The following GSDME variants were observed in gnomAD, a reference collection of about 807,000 sequenced individuals.
GSDME encodes the protein gasdermin-E.
A neutral mutation model predicts 47.5 loss-of-function variants in GSDME; 44 were observed. The ratio of observed to expected loss-of-function variants is 0.93; its 90% CI spans 0.73 to 1.19. The LOEUF is 1.19. Ranked by LOEUF, GSDME falls within the 50% of genes most tolerant of loss-of-function variation. GSDME has a pLI of 0.00. For missense variants in GSDME, 663 were observed against 604.2 expected (o/e 1.10, Z -1.02); for synonymous variants, 258 against 252.8 (o/e 1.02, Z -0.20).
rs1584098698 is a variant in GSDME, at chr7:24,741,989, A to G, written c.404+2573T>C. Among the ~76,000 whole-genome samples the G allele has an allele frequency of 2.6e-5, 4 of 151,986 alleles. No homozygotes were observed. The Middle Eastern group carries it at 0.014, about 517-fold the overall frequency. ...TCTTTGGGTTCTAGTCCTTGTATTT[A>G]TTCTTTATCATGCTTCTGGTGGCAC... On this transcript the variant is annotated intron_variant, in intron 3 of 9. Coordinates refer to ENST00000645220, the MANE Select transcript of GSDME (RefSeq NM_001127453.2).
rs559457207 is a variant in GSDME, at chr7:24,708,346, T to C, written c.863-92A>G. On this transcript the variant is annotated intron_variant, in intron 6 of 9. Coordinates refer to ENST00000645220, the MANE Select transcript of GSDME (RefSeq NM_001127453.2). ...TCCTGCTTTTTATACCTAATCGTCATCAGTTCTTTCATGGATATTCCCAGC... is the reference window on the plus strand; with the variant it reads ...TCCTGCTTTTTATACCTAATCGTCACCAGTTCTTTCATGGATATTCCCAGC... 2.2e-4 allele frequency: 320 copies of C among 1,457,220 alleles called. 2 individuals carry two copies. In the South Asian group the frequency reaches 3.6e-3, roughly 17 times the overall value. The allele number at this position is 1,457,220 out of a possible 1,614,324, so 90.3% of individuals were successfully genotyped here.
At chr7:24,776,959 T>C in the GSDME span, among the ~76,000 whole-genome samples, 2 of 152,186 alleles carry the variant, frequency 1.3e-5, no homozygotes, top group African/African-American at 4.8e-5. Context: ...CAGTTTATTC[T>C]TCCTTTTAGC....
chr7:24,699,446 G>A (rs1250646126), intron 9 of GSDME, among the ~76,000 whole-genome samples, 187 bp from the exon 10 acceptor site: 4 of 151,888 alleles, frequency 2.6e-5, no homozygotes, highest in East Asian at 1.9e-4. Flanking sequence ...AGGTTCAAGC[G>A]ATTCTTTTGC....
At chr7:24,738,572 T>G (rs1354270607) in intron 3 of GSDME, among the ~76,000 whole-genome samples, 2 of 152,142 alleles carry the variant, frequency 1.3e-5, no homozygotes, top group African/African-American at 4.8e-5. Context: ...TTTGTAGAGA[T>G]TCAATGCAAT....
intron 9 of GSDME, 169 bp downstream of exon 9, chr7:24,702,588 CCCA>C: frequency 1.6e-6 from 1 of 615,776 alleles, no homozygotes; most frequent in Non-Finnish European, 3.1e-6. Flanking sequence ...TCTCAGTCTT[CCCA>C]TGGGGTGGGA....
the GSDME span, among the ~76,000 whole-genome samples, chr7:24,786,741 G>A: frequency 1.3e-5 from 2 of 152,176 alleles, no homozygotes; most frequent in African/African-American, 4.8e-5. The surrounding 1 kb of genome is among the most constrained non-coding windows in gnomAD (Gnocchi z 5.5). Flanking sequence ...CAGTCGTGAT[G>A]GCTGCACAGC....
intron 5 of GSDME, among the ~76,000 whole-genome samples, chr7:24,713,659 C>T (rs1789442005): frequency 6.6e-6 from 1 of 152,182 alleles, no homozygotes; most frequent in African/African-American, 2.4e-5. Context: ...GCTGGGCTGG[C>T]CCATAAGGCG....
chr7:24,767,238 C>T, the GSDME span, among the ~76,000 whole-genome samples: 22 of 152,120 alleles, frequency 1.4e-4, no homozygotes, highest in Non-Finnish European at 2.9e-4. The surrounding 1 kb of genome is among the most constrained non-coding windows in gnomAD (Gnocchi z 5.3). Context: ...GCAGAAGTAT[C>T]GCTTGAACCT....
At chr7:24,782,256 C>T in the GSDME span, among the ~76,000 whole-genome samples, 1 of 145,174 alleles carries the variant, frequency 6.9e-6, no homozygotes, top group African/African-American at 2.6e-5. Flanking sequence ...GTGATGTTCC[C>T]CTTCCTATGT....
At chr7:24,702,993 TG>T (rs1788937319) in intron 8 of GSDME, 160 bp from the exon 9 acceptor site, 1 of 619,934 alleles carries the variant, frequency 1.6e-6, no homozygotes, top group Admixed American at 2.1e-5. Context: ...TGGTGCTAAA[TG>T]GGCAGCAAAG....
the GSDME span, among the ~76,000 whole-genome samples, chr7:24,791,026 C>T: frequency 1.3e-5 from 2 of 152,126 alleles, no homozygotes; most frequent in South Asian, 4.1e-4. This position sits in a 1 kb window ranked among gnomAD's most constrained non-coding sequence, Gnocchi z 4.8. Context: ...CCAGGTGTGA[C>T]TGGATCAGGG....
Position 24,699,050 on chromosome 7 carries a change from A to C in GSDME, c.1467T>G (p.Cys489Trp). The C allele has an allele frequency of 6.2e-7, 1 of 1,613,112 alleles. No individual in the cohort carries two copies. Among genetic ancestry groups the C allele is most frequent in the Non-Finnish European group, 8.5e-7 (1 of 1,179,040 alleles). ...LLLCITLNGLCALGREHS is the reference protein window; with the variant it reads ...LLLCITLNGLWALGREHS ...ATCATGAATGTTCTCTGCCTAAAGCACAGAGTCCATTCAGGGTTATACAAA... is the reference window on the plus strand; with the variant it reads ...ATCATGAATGTTCTCTGCCTAAAGCCCAGAGTCCATTCAGGGTTATACAAA... Residue 489 changes from cysteine (C) to tryptophan (W), a missense_variant, in exon 10 of 10, where the codon TGT (cysteine) becomes TGG (tryptophan). Coordinates refer to ENST00000645220, the MANE Select transcript of GSDME (RefSeq NM_001127453.2).
chr7:24,743,723 C>G (rs1354030758), intron 3 of GSDME, among the ~76,000 whole-genome samples: 3 of 152,206 alleles, frequency 2.0e-5, no homozygotes, highest in Non-Finnish European at 4.4e-5. Context: ...GCGTCCTGCC[C>G]AGATGCCCCT....
At chr7:24,792,968 T>G in the GSDME span, among the ~76,000 whole-genome samples, 2 of 152,216 alleles carry the variant, frequency 1.3e-5, no homozygotes, top group Non-Finnish European at 2.9e-5. Flanking sequence ...TTGTTTTAAA[T>G]GTGGGACATC....
Position 24,736,075 on chromosome 7 carries a change from A to G in GSDME, c.404+8487T>C, listed in dbSNP as rs1008247775. Among the ~76,000 whole-genome samples the G allele has an allele frequency of 1.3e-5, 2 of 152,174 alleles. No homozygotes were observed. The highest frequency in any genetic ancestry group is 2.9e-5 in the Non-Finnish European group (2 of 68,028). Reference sequence around the variant, plus strand: ...GCAAGAAATTAAATCATACCACCATAGAAAGTCACCTTCACTAAAAGGAAG... The same window carrying G: ...GCAAGAAATTAAATCATACCACCATGGAAAGTCACCTTCACTAAAAGGAAG... On this transcript the variant is annotated intron_variant, in intron 3 of 9. Coordinates refer to ENST00000645220, the MANE Select transcript of GSDME (RefSeq NM_001127453.2). The surrounding 1 kb of genome is among the most constrained non-coding windows in gnomAD (Gnocchi z 4.6).
At position 24,726,785 on chromosome 7, in the gene GSDME, G is replaced by T. The variant is rs182026829; in HGVS notation, c.405-7567C>A. 4.1e-3 allele frequency among the ~76,000 whole-genome samples: 600 copies of T among 147,422 alleles called. 4 individuals carry two copies. The highest frequency in any genetic ancestry group is 0.014 in the African/African-American group (552 of 39,350). On this transcript the variant is annotated intron_variant, in intron 3 of 9. Transcript: ENST00000645220. The surrounding 1 kb of genome is among the most constrained non-coding windows in gnomAD (Gnocchi z 5.6). ...TCGCCCACTGCACTCCAGCCCGGGG[G>T]ACAGAGCGAGACTCCGTCTCAAAAA...
At chr7:24,757,801 G>C (rs1164088338), upstream of GSDME, 1 of 152,372 alleles carries the variant, frequency 6.6e-6, no homozygotes, top group Non-Finnish European at 1.5e-5. The surrounding 1 kb of genome is among the most constrained non-coding windows in gnomAD (Gnocchi z 5.9). Flanking sequence ...GGGTTTGAGA[G>C]CGGCGCCTCC....
chr7:24,732,716 T>C lies in GSDME; in HGVS notation c.404+11846A>G, dbSNP rs965182535. 2.6e-5 allele frequency among the ~76,000 whole-genome samples: 4 copies of C among 152,168 alleles called. No homozygotes were observed. The highest frequency in any genetic ancestry group is 2.0e-4 in the Admixed American group (3 of 15,282). Reference sequence around the variant, plus strand: ...TCAGCCAGCGCCCACTGAGGGAGCATGTAGACCAGCCCTAGCCAGAGGAGA... The same window carrying C: ...TCAGCCAGCGCCCACTGAGGGAGCACGTAGACCAGCCCTAGCCAGAGGAGA... On this transcript the variant is annotated intron_variant, in intron 3 of 9. Coordinates refer to ENST00000645220, the MANE Select transcript of GSDME (RefSeq NM_001127453.2). This position sits in a 1 kb window ranked among gnomAD's most constrained non-coding sequence, Gnocchi z 4.8.
chr7:24,746,416 T>C (rs1790671524), intron 2 of GSDME, among the ~76,000 whole-genome samples: 1 of 152,196 alleles, frequency 6.6e-6, no homozygotes, highest in Non-Finnish European at 1.5e-5. Flanking sequence ...AGATAATTAA[T>C]GATAGCTACC....
Sources: allele counts gnomAD v4.1 joint callset (sites outside exome capture counted in the v4.1 genomes callset), GRCh38; gene constraint gnomAD v4.1.1; non-coding constraint Gnocchi (gnomAD v3.1); transcripts MANE v1.5; gene names NCBI Gene and HGNC (gene_info 2026-07-23, HGNC 2026-07-21).